Variants in SLC30A6 observed in about 807,000 individuals in gnomAD.
SLC30A6 encodes zinc transporter 6.
A neutral mutation model predicts 63.0 loss-of-function variants in SLC30A6; 55 were observed. That is an observed-to-expected ratio of 0.87 (90% CI 0.70 to 1.09). SLC30A6 has a LOEUF of 1.09. Among genes scored for constraint, SLC30A6 ranks in the 50% least tolerant of loss-of-function variants. The pLI, the probability that SLC30A6 is intolerant of heterozygous loss-of-function variation, is 0.00. For synonymous variants in SLC30A6, 224 were observed against 186.1 expected (o/e 1.20, Z -1.66); for missense variants, 587 against 549.2 (o/e 1.07, Z -0.69).
chr2:32,171,638 A>G (rs375960937), intron 2 of SLC30A6, among the ~76,000 whole-genome samples: 2 of 151,842 alleles, frequency 1.3e-5, no homozygotes, highest in East Asian at 3.9e-4. Flanking sequence ...GCTTTTTGTT[A>G]TTAAGTTTTC....
intron 10 of SLC30A6, among the ~76,000 whole-genome samples, chr2:32,199,879 C>T (rs755561644): frequency 6.6e-6 from 1 of 152,064 alleles, no homozygotes; most frequent in Non-Finnish European, 1.5e-5. Flanking sequence ...CTTTGGGAAG[C>T]CGAGGCGGCT....
Position 32,221,963 on chromosome 2 carries a change from G to T in SLC30A6, c.*1250G>T, listed in dbSNP as rs1218711955. On this transcript the variant is annotated 3_prime_UTR_variant, in exon 14 of 14. Transcript: ENST00000282587. ...ACACATGGAGTTCCATACATAATAT[G>T]GAATTTGATGTCTTTTCAAGTTGCA... The T allele has an allele frequency of 1.3e-5, 2 of 152,030 alleles. No homozygotes were observed. Among genetic ancestry groups the T allele is most frequent in the Non-Finnish European group, 2.9e-5 (2 of 68,018 alleles). 9.4% of individuals were successfully genotyped at this position (152,030 alleles called of 1,614,324 possible).
intron 12 of SLC30A6, among the ~76,000 whole-genome samples, chr2:32,208,438 G>T (rs927418610): frequency 1.3e-5 from 2 of 150,828 alleles, no homozygotes; most frequent in African/African-American, 2.4e-5. Context: ...GCCTTTTGTT[G>T]TTTTTTTAAA....
At chr2:32,212,118 T>TTTTTAATTTCCTTTTAATTTCC in intron 13 of SLC30A6, among the ~76,000 whole-genome samples, 1 of 152,096 alleles carries the variant, frequency 6.6e-6, no homozygotes, top group East Asian at 1.9e-4. Context: ...TTCCTTTTGA[T>TTTTTAATTTCCTTTTAATTTCC]TTTTTTTAAC....
chr2:32,220,470 T>G lies in SLC30A6; in HGVS notation c.1143T>G (p.Ser381Arg). The G allele has an allele frequency of 6.2e-7, 1 of 1,614,234 alleles. No homozygotes were observed. Among genetic ancestry groups the G allele is most frequent in the Non-Finnish European group, 8.5e-7 (1 of 1,180,042 alleles). Reference sequence around the variant, plus strand: ...TTACATCAACTCCAGCTAAACCTAGTAGTCCACCTCCAGAATTTTCATTTA... The same window carrying G: ...TTACATCAACTCCAGCTAAACCTAGGAGTCCACCTCCAGAATTTTCATTTA... ...NPVTSTPAKP[S>R]SPPPEFSFNT... Residue 381 changes from serine to arginine, a missense_variant, in exon 14 of 14, where the codon AGT becomes AGG. Transcript: ENST00000282587.
At chr2:32,213,018 A>G (rs1573418789) in intron 13 of SLC30A6, among the ~76,000 whole-genome samples, 1 of 149,648 alleles carries the variant, frequency 6.7e-6, no homozygotes, top group Non-Finnish European at 1.5e-5. Context: ...TGATCCTCCT[A>G]CCTCAGCCTT....
At chr2:32,203,880 T>C (rs1453900034) in intron 10 of SLC30A6, 2 of 1,009,364 alleles carry the variant, frequency 2.0e-6, no homozygotes, top group African/African-American at 3.2e-5. Context: ...GTGGTCGATC[T>C]GGCAGCCGGT....
intron 8 of SLC30A6, among the ~76,000 whole-genome samples, chr2:32,197,016 C>A (rs1470475473): frequency 6.6e-6 from 1 of 152,170 alleles, no homozygotes; most frequent in East Asian, 1.9e-4. Context: ...GCCGAGATGG[C>A]ACCACTGCAC....
chr2:32,219,551 C>T (rs1224418625), intron 13 of SLC30A6, among the ~76,000 whole-genome samples: 4 of 152,188 alleles, frequency 2.6e-5, no homozygotes, highest in East Asian at 1.9e-4. Flanking sequence ...TCTCCTGCCT[C>T]GGTCTGCCAA....
chr2:32,170,530 G>T lies in SLC30A6; in HGVS notation c.4-757G>T, dbSNP rs868159737. On this transcript the variant is annotated intron_variant, in intron 1 of 13. Coordinates refer to ENST00000282587, the MANE Select transcript of SLC30A6 (RefSeq NM_017964.5). ...ACACTAGCAGGGGCCAGGGAGACTAGCCAGGATGTCAGATACTTTGACTGA... is the reference window on the plus strand; with the variant it reads ...ACACTAGCAGGGGCCAGGGAGACTATCCAGGATGTCAGATACTTTGACTGA... 2.0e-5 allele frequency among the ~76,000 whole-genome samples: 3 copies of T among 152,300 alleles called. No homozygotes were observed. The Middle Eastern group carries it at 0.01, about 518-fold the overall frequency.
chr2:32,171,073 T>C (rs1242640803), intron 1 of SLC30A6, among the ~76,000 whole-genome samples: 2 of 152,242 alleles, frequency 1.3e-5, no homozygotes, highest in Non-Finnish European at 2.9e-5. Context: ...TCTGTGACTT[T>C]GGATGACTTA....
intron 4 of SLC30A6, among the ~76,000 whole-genome samples, chr2:32,180,292 A>G (rs1682180368): frequency 6.6e-6 from 1 of 151,770 alleles, no homozygotes; most frequent in Non-Finnish European, 1.5e-5. Context: ...AATCCCAGCT[A>G]CTCACTGAAT....
intron 13 of SLC30A6, among the ~76,000 whole-genome samples, chr2:32,219,774 C>T (rs1273572492): frequency 2.0e-5 from 3 of 152,152 alleles, no homozygotes; most frequent in African/African-American, 7.2e-5. Context: ...CTTATTCTTA[C>T]CAAGTATGCC....
At chr2:32,202,358 T>TGTTC (rs1684370326) in intron 10 of SLC30A6, 1 of 343,014 alleles carries the variant, frequency 2.9e-6, no homozygotes. Context: ...TTTGTTTGTT[T>TGTTC]TTTGAGACAG....
At chr2:32,201,838 G>T in intron 10 of SLC30A6, 2 of 1,431,882 alleles carry the variant, frequency 1.4e-6, no homozygotes, top group South Asian at 2.4e-5. Context: ...TGACTCAGAT[G>T]AGAAATCAGA....
chr2:32,185,183 A>C (rs1341318412), intron 5 of SLC30A6, among the ~76,000 whole-genome samples: 1 of 152,136 alleles, frequency 6.6e-6, no homozygotes, highest in East Asian at 1.9e-4. Context: ...CAACATAGTG[A>C]GATCTGTCGC....
intron 5 of SLC30A6, among the ~76,000 whole-genome samples, chr2:32,186,107 T>C (rs1274517838): frequency 6.6e-6 from 1 of 152,036 alleles, no homozygotes; most frequent in Non-Finnish European, 1.5e-5. Context: ...TGATCTTGGC[T>C]CATTGCAACC....
rs1277046191 is a variant in SLC30A6, at chr2:32,193,976, C to A, written c.489C>A (p.Val163=). 6.2e-7 allele frequency: 1 copy of A among 1,609,182 alleles called. No individual in the cohort carries two copies. Among genetic ancestry groups the A allele is most frequent in the South Asian group, 1.1e-5 (1 of 89,870 alleles). The change falls in exon 8 of 14, where the codon GTC becomes GTA. Residue 163 remains valine (V), a synonymous_variant. Coordinates refer to ENST00000282587, the MANE Select transcript of SLC30A6 (RefSeq NM_017964.5). ...TTCGGAATAAACCTTTTGCTTATGT[C>A]TCAGAAGGTATGTTTTTTATTTACT... The part of the protein sequence containing the change: ...LSIRNKPFAY[V]SEAASTSWLQ...
intron 4 of SLC30A6, among the ~76,000 whole-genome samples, chr2:32,175,810 T>C (rs1016783764): frequency 1.3e-5 from 2 of 152,166 alleles, no homozygotes; most frequent in African/African-American, 2.4e-5. Context: ...ACCCCGTCTC[T>C]ACTAAAAATA....
Sources: allele counts gnomAD v4.1 joint callset (sites outside exome capture counted in the v4.1 genomes callset), GRCh38; gene constraint gnomAD v4.1.1; transcripts MANE v1.5; gene names NCBI Gene and HGNC (gene_info 2026-07-23, HGNC 2026-07-21).